The following TCF12 variants were observed in gnomAD, a reference collection of about 807,000 sequenced individuals.
TCF12 encodes transcription factor 12, also known as DNA-binding protein HTF4.
A neutral mutation model predicts 86.0 loss-of-function variants in TCF12; 45 were observed. The observed-to-expected ratio is 0.52, with a 90% confidence interval of 0.41 to 0.67. The LOEUF (loss-of-function observed/expected upper bound fraction) is 0.67, where lower values mean the gene tolerates loss of function less well. Ranked by LOEUF, TCF12 falls within the 30% of genes least tolerant of loss-of-function variation. The pLI, the probability that TCF12 is intolerant of heterozygous loss-of-function variation, is 0.00. For synonymous variants in TCF12, 330 were observed against 299.6 expected, an observed-to-expected ratio of 1.10 and a Z score of -1.05; for missense variants, 881 against 859.9, an observed-to-expected ratio of 1.02 and a Z score of -0.31.
chr15:57,154,199 G>A (rs1187273563), intron 5 of TCF12, among the ~76,000 whole-genome samples: 1 of 152,060 alleles, frequency 6.6e-6, no homozygotes, highest in Non-Finnish European at 1.5e-5. Context: ...CTGTTTTCCA[G>A]TGGTTTTTGC....
chr15:57,279,718 C>T (rs573339004), intron 19 of TCF12, among the ~76,000 whole-genome samples: 2 of 152,182 alleles, frequency 1.3e-5, no homozygotes, highest in South Asian at 4.2e-4. Flanking sequence ...GTGATAGAGT[C>T]ATAGTTGGCT....
intron 16 of TCF12, among the ~76,000 whole-genome samples, chr15:57,258,142 G>A (rs2060433477): frequency 6.6e-6 from 1 of 152,104 alleles, no homozygotes; most frequent in Admixed American, 6.6e-5. Context: ...TTAGCCACAT[G>A]TGGTGGCGCA....
At chr15:57,248,121 A>T (rs1388096231) in intron 13 of TCF12, 3 of 702,130 alleles carry the variant, frequency 4.3e-6, no homozygotes, top group Admixed American at 4.0e-5. Flanking sequence ...GTCTTTTAAA[A>T]ATTATTTTAA....
chr15:57,233,031 GTATA>G (rs34475942), intron 11 of TCF12, among the ~76,000 whole-genome samples, 175 bp downstream of exon 11: 13 of 147,840 alleles, frequency 8.8e-5, no homozygotes, highest in African/African-American at 3.0e-4. Flanking sequence ...ATATATGTGT[GTATA>G]TATGTTATAT....
chr15:57,262,238 T>TGCAGACA lies in TCF12; in HGVS notation c.1582+32_1582+38dup, dbSNP rs757228724. 1.1e-5 allele frequency: 16 copies of TGCAGACA among 1,442,826 alleles called. 1 individual carries two copies. The East Asian group carries it at 3.7e-4, about 33-fold the overall frequency. The allele number at this position is 1,442,826 out of a possible 1,614,324, so 89.4% of individuals were successfully genotyped here. A position where few individuals can be genotyped will look rare whatever the true frequency, so the allele number is the denominator to read the frequency against. On this transcript the variant is annotated intron_variant, in intron 17 of 20. Coordinates refer to ENST00000333725, the MANE Select transcript of TCF12 (RefSeq NM_207037.2). The stretch of plus-strand genomic sequence containing the variant: ...CTATATTGTTGGTTTTCAGAAATAA[T>TGCAGACA]GCAGACAGAGATATCATTTGGAACA...
At chr15:57,265,068 A>T (rs964926150) in intron 18 of TCF12, among the ~76,000 whole-genome samples, 8 of 139,690 alleles carry the variant, frequency 5.7e-5, no homozygotes, top group African/African-American at 2.2e-4. Context: ...TCTAATGATA[A>T]ATAGTATAGT....
At chr15:57,280,447 A>G (rs1168916269) in intron 19 of TCF12, among the ~76,000 whole-genome samples, 1 of 152,250 alleles carries the variant, frequency 6.6e-6, no homozygotes, top group East Asian at 1.9e-4. Context: ...AAATTTTATT[A>G]GTATGCATCA....
At chr15:57,075,844 T>C (rs1186023012) in intron 4 of TCF12, among the ~76,000 whole-genome samples, 2 of 81,496 alleles carry the variant, frequency 2.5e-5, no homozygotes, top group African/African-American at 8.1e-5. Flanking sequence ...CTTTTCTTTC[T>C]TTCTTTCTTT....
chr15:57,132,570 A>T (rs949727492), intron 5 of TCF12, among the ~76,000 whole-genome samples: 1 of 152,196 alleles, frequency 6.6e-6, no homozygotes, highest in African/African-American at 2.4e-5. Flanking sequence ...AAGGACCTTT[A>T]AGGTGCCGAA....
At chr15:57,028,577 T>C (rs1395390030) in intron 3 of TCF12, among the ~76,000 whole-genome samples, 1 of 152,196 alleles carries the variant, frequency 6.6e-6, no homozygotes, top group Admixed American at 6.5e-5. Flanking sequence ...CTCATAATTT[T>C]GGATATAAAA....
In TCF12 at chr15:57,124,779, G is replaced by A. The variant is rs552184877; in HGVS notation, c.325+32888G>A. ...TGCAAGCTCCGTCTCCCGGGTTCACGCCATTCTCCTCCCTCAGCCTCCAGA... is the reference window on the plus strand; with the variant it reads ...TGCAAGCTCCGTCTCCCGGGTTCACACCATTCTCCTCCCTCAGCCTCCAGA... On this transcript the variant is annotated intron_variant, in intron 5 of 20. Transcript: ENST00000333725. 5.3e-5 allele frequency among the ~76,000 whole-genome samples: 8 copies of A among 151,926 alleles called. No individual in the cohort carries two copies. The South Asian group carries it at 1.7e-3, about 32-fold the overall frequency.
At chr15:57,212,804 C>CTA (rs2058168546) in intron 8 of TCF12, among the ~76,000 whole-genome samples, 1 of 152,148 alleles carries the variant, frequency 6.6e-6, no homozygotes, top group South Asian at 2.1e-4. Context: ...AGTCAACGAC[C>CTA]TACCCTAAGC....
intron 3 of TCF12, among the ~76,000 whole-genome samples, chr15:57,050,261 T>C (rs568199835): frequency 1.2e-4 from 18 of 152,316 alleles, no homozygotes; most frequent in Admixed American, 2.0e-4. Flanking sequence ...TGCTTTCTTT[T>C]TTTTTATAGT....
At chr15:57,135,047 A>G (rs1448875986) in intron 5 of TCF12, among the ~76,000 whole-genome samples, 1 of 152,192 alleles carries the variant, frequency 6.6e-6, no homozygotes, top group Non-Finnish European at 1.5e-5. Flanking sequence ...TAACAAGTTT[A>G]AGGAATTTCC....
intron 18 of TCF12, among the ~76,000 whole-genome samples, chr15:57,269,404 G>GT (rs1219349365): frequency 4.8e-5 from 2 of 41,882 alleles, no homozygotes; most frequent in African/African-American, 1.8e-4. Context: ...CTTTCCATTT[G>GT]TTTGGTAGAT....
rs111808334 is a variant in TCF12 at position 57,096,040 on chromosome 15, C to A, written c.325+4149C>A. Among the ~76,000 whole-genome samples the A allele has an allele frequency of 3.9e-5, 6 of 152,228 alleles. 1 individual carries two copies. The highest frequency in any genetic ancestry group is 1.4e-4 in the African/African-American group (6 of 41,536). ...TAGTTGAATGCTGTTTCCATTAGGCCACACTGTTTAGGTGTTTAAGATACC... is the reference window on the plus strand; with the variant it reads ...TAGTTGAATGCTGTTTCCATTAGGCAACACTGTTTAGGTGTTTAAGATACC... On this transcript the variant is annotated intron_variant, in intron 5 of 20. Coordinates refer to ENST00000333725, the MANE Select transcript of TCF12 (RefSeq NM_207037.2).
intron 5 of TCF12, among the ~76,000 whole-genome samples, chr15:57,095,040 A>T (rs993014683): frequency 6.6e-6 from 1 of 152,214 alleles, no homozygotes; most frequent in African/African-American, 2.4e-5. Flanking sequence ...GAAGTGTTTT[A>T]TGCTGAATCA....
At position 57,194,328 on chromosome 15, in the gene TCF12, G is replaced by A. The variant is rs554267385; in HGVS notation, c.526+2035G>A. Among the ~76,000 whole-genome samples the A allele has an allele frequency of 2.0e-5, 3 of 152,178 alleles. No homozygotes were observed. In the South Asian group the frequency reaches 6.2e-4, roughly 32 times the overall value. ...TGTGAGGTTGTAATGTTAACTTCATGTTACAAATGAGGAGCTAAGACCCAG... is the reference window on the plus strand; with the variant it reads ...TGTGAGGTTGTAATGTTAACTTCATATTACAAATGAGGAGCTAAGACCCAG... On this transcript the variant is annotated intron_variant, in intron 7 of 20. Coordinates refer to ENST00000333725, the MANE Select transcript of TCF12 (RefSeq NM_207037.2).
intron 3 of TCF12, among the ~76,000 whole-genome samples, chr15:56,962,905 A>G (rs756403020): frequency 4.6e-5 from 7 of 152,302 alleles, no homozygotes; most frequent in Non-Finnish European, 8.8e-5. Context: ...GCCTGTGTCT[A>G]GACTGTTGAT....
Sources: gnomAD v4.1 joint callset for allele counts (sites outside exome capture counted in the v4.1 genomes callset) on GRCh38, gnomAD v4.1.1 for gene constraint, MANE v1.5 for transcripts, NCBI Gene and HGNC (gene_info 2026-07-23, HGNC 2026-07-21) for gene names.